SOX6: variants seen among roughly 807,000 people sequenced by gnomAD.
SOX6 encodes the protein SRY-box transcription factor 6.
In SOX6, 11 loss-of-function variants were observed where a neutral mutation model predicts 97.8. The ratio of observed to expected loss-of-function variants is 0.11; its 90% CI spans 0.07 to 0.19. SOX6 has a LOEUF of 0.19. Ranked by LOEUF, SOX6 falls within the 10% of genes least tolerant of loss-of-function variation. The probability of loss-of-function intolerance (pLI) is 1.00; values close to 1 mark genes in which losing one functional copy is unlikely to be tolerated. For synonymous variants in SOX6, 360 were observed against 371.4 expected (o/e 0.97, Z 0.35); for missense variants, 810 against 1,039.5 (o/e 0.78, Z 3.04).
At chr11:16,616,202 T>C (rs997165689) in intron 3 of SOX6, among the ~76,000 whole-genome samples, 3 of 152,110 alleles carry the variant, frequency 2.0e-5, no homozygotes, top group Non-Finnish European at 4.4e-5. Context: ...TAGAAAAATT[T>C]GGTAAATCAG....
At chr11:16,220,333 A>T (rs1016662681) in intron 4 of SOX6, among the ~76,000 whole-genome samples, 1 of 152,064 alleles carries the variant, frequency 6.6e-6, no homozygotes. Flanking sequence ...AAACCAGATG[A>T]TTTAATAATA....
intron 1 of SOX6, among the ~76,000 whole-genome samples, chr11:16,403,586 G>C (rs1011517859): frequency 1.3e-5 from 2 of 151,622 alleles, no homozygotes; most frequent in African/African-American, 4.8e-5. Flanking sequence ...TTTGTAGAGA[G>C]CCCTGTTACC....
intron 4 of SOX6, chr11:16,484,086 A>G: frequency 1.3e-6 from 1 of 770,368 alleles, no homozygotes; most frequent in South Asian, 1.3e-5. Context: ...TTTGGACTTA[A>G]CTTCTCCTGA....
chr11:16,715,661 C>T (rs1047979762), intron 2 of SOX6, among the ~76,000 whole-genome samples: 4 of 151,724 alleles, frequency 2.6e-5, no homozygotes, highest in African/African-American at 9.7e-5. Flanking sequence ...TTCCTCTCTA[C>T]TCAAAGCAAA....
At chr11:16,084,913 C>G (rs1848544981) in intron 9 of SOX6, among the ~76,000 whole-genome samples, 1 of 152,082 alleles carries the variant, frequency 6.6e-6, no homozygotes, top group Non-Finnish European at 1.5e-5. Flanking sequence ...TGATAGATGA[C>G]TATTTTGTTC....
chr11:16,263,699 TG>T (rs1462889611), intron 3 of SOX6, among the ~76,000 whole-genome samples: 4 of 151,900 alleles, frequency 2.6e-5, no homozygotes, highest in African/African-American at 4.8e-5. Context: ...CAAATTGTTT[TG>T]GGGTGTTCAT....
At chr11:16,098,505 T>C in intron 7 of SOX6, among the ~76,000 whole-genome samples, 1 of 151,856 alleles carries the variant, frequency 6.6e-6, no homozygotes, top group South Asian at 2.1e-4. Flanking sequence ...AAGTACCTTC[T>C]GTGACCTAAG....
intron 3 of SOX6, among the ~76,000 whole-genome samples, chr11:16,295,896 T>C (rs925126572): frequency 1.3e-5 from 2 of 152,044 alleles, no homozygotes; most frequent in Admixed American, 6.6e-5. Flanking sequence ...TATAGAGATT[T>C]TTCCCACCCT....
At chr11:16,498,120 T>A (rs1488360649) in intron 4 of SOX6, among the ~76,000 whole-genome samples, 2 of 152,214 alleles carry the variant, frequency 1.3e-5, no homozygotes, top group African/African-American at 4.8e-5. Context: ...GCTGATCTCT[T>A]GGCAGAAACT....
intron 1 of SOX6, among the ~76,000 whole-genome samples, chr11:16,472,209 A>T (rs1860151523): frequency 6.6e-6 from 1 of 152,222 alleles, no homozygotes; most frequent in African/African-American, 2.4e-5. Context: ...TCTTGGTTTG[A>T]AATGCTGGTA....
At chr11:16,592,773 C>T (rs1238545327) in intron 4 of SOX6, among the ~76,000 whole-genome samples, 4 of 151,882 alleles carry the variant, frequency 2.6e-5, no homozygotes, top group African/African-American at 9.7e-5. Flanking sequence ...AATAACAGCC[C>T]AAAGATGTGA....
intron 6 of SOX6, among the ~76,000 whole-genome samples, chr11:16,118,403 A>G (rs188211836): frequency 1.3e-5 from 2 of 152,370 alleles, no homozygotes; most frequent in African/African-American, 4.8e-5. Flanking sequence ...ACAGCAGCAG[A>G]TGTGTGTGAA....
chr11:16,384,817 T>C (rs1287697343), intron 1 of SOX6, among the ~76,000 whole-genome samples: 1 of 151,972 alleles, frequency 6.6e-6, no homozygotes, highest in Non-Finnish European at 1.5e-5. Context: ...GAAAAGAACA[T>C]ACTGCTTTTT....
At chr11:16,175,042 G>T (rs2134089516) in intron 6 of SOX6, among the ~76,000 whole-genome samples, 1 of 151,986 alleles carries the variant, frequency 6.6e-6, no homozygotes, top group African/African-American at 2.4e-5. Context: ...CTCTCGTTTG[G>T]CAGCCAGGGA....
intron 4 of SOX6, among the ~76,000 whole-genome samples, chr11:16,525,628 A>G (rs1861145789): frequency 6.6e-6 from 1 of 151,824 alleles, no homozygotes; most frequent in African/African-American, 2.4e-5. Context: ...CAAAATTGAC[A>G]AATGGGATCT....
chr11:16,103,566 C>T (rs966976469), intron 7 of SOX6, among the ~76,000 whole-genome samples: 1 of 151,984 alleles, frequency 6.6e-6, no homozygotes, highest in Admixed American at 6.6e-5. Flanking sequence ...GATACTTGCA[C>T]ATGCATGTTT....
intron 3 of SOX6, among the ~76,000 whole-genome samples, chr11:16,647,894 A>G (rs771234892): frequency 2.6e-5 from 4 of 152,280 alleles, no homozygotes; most frequent in East Asian, 1.9e-4. Flanking sequence ...ATCCCTGACT[A>G]TATCTTACAG....
chr11:16,513,927 G>A (rs1296634566), intron 4 of SOX6, among the ~76,000 whole-genome samples: 2 of 151,946 alleles, frequency 1.3e-5, no homozygotes, highest in East Asian at 1.9e-4. Context: ...CTAAATGTAA[G>A]ACTGCAAACT....
chr11:16,146,835 T>C (rs113106771), intron 6 of SOX6, among the ~76,000 whole-genome samples: 8,723 of 152,180 alleles, frequency 0.057, 633 homozygotes, highest in East Asian at 0.37. Flanking sequence ...ACGGTGATCA[T>C]TAAAAAGTCA....
Sources: gnomAD v4.1 joint callset for allele counts (sites outside exome capture counted in the v4.1 genomes callset) on GRCh38, gnomAD v4.1.1 for gene constraint, MANE v1.5 for transcripts, NCBI Gene and HGNC (gene_info 2026-07-23, HGNC 2026-07-21) for gene names.